PLSCR2: variants seen among roughly 807,000 people sequenced by gnomAD.
PLSCR2 encodes PL scramblase 2.
A neutral mutation model predicts 25.3 loss-of-function variants in PLSCR2; 18 were observed. That is an observed-to-expected ratio of 0.71 (90% confidence interval 0.49 to 1.06). PLSCR2 has a LOEUF of 1.06. PLSCR2 is among the 50% of genes least tolerant of loss of function. The pLI, the probability that PLSCR2 is intolerant of heterozygous loss-of-function variation, is 0.00. For missense variants in PLSCR2, 243 were observed against 269.5 expected (o/e 0.90, Z 0.69); for synonymous variants, 88 against 87.3 (o/e 1.01, Z -0.04).
downstream of PLSCR2, among the ~76,000 whole-genome samples, chr3:146,441,564 A>T (rs2040244191): frequency 6.6e-6 from 1 of 152,020 alleles, no homozygotes; most frequent in Non-Finnish European, 1.5e-5. Flanking sequence ...AAGTATATAA[A>T]ACATTTATAA....
intron 1 of PLSCR2, chr3:146,495,003 T>C (rs2043695978): frequency 6.6e-6 from 1 of 152,140 alleles, no homozygotes; most frequent in South Asian, 2.1e-4. Context: ...GATTTATACA[T>C]GGAAGAGCTA....
At chr3:146,490,708 T>C (rs997016466) in intron 1 of PLSCR2, among the ~76,000 whole-genome samples, 1 of 152,104 alleles carries the variant, frequency 6.6e-6, no homozygotes, top group Middle Eastern at 3.2e-3. Flanking sequence ...AATAGATATT[T>C]CTCCATCCCT....
intron 1 of PLSCR2, among the ~76,000 whole-genome samples, chr3:146,478,703 A>C (rs112002147): frequency 0.05 from 7,690 of 152,318 alleles, 240 homozygotes; most frequent in Admixed American, 0.093. Context: ...TCCCCAACCT[A>C]GCAAGGCAGG....
rs377618191 is a variant in PLSCR2 at position 146,455,194 on chromosome 3, C to T, written c.321+45G>A. 18 of 1,275,948 alleles carry T rather than the reference C, an allele frequency of 1.4e-5. No individual in the cohort carries two copies. In the African/African-American group the frequency reaches 2.5e-4, roughly 18 times the overall value. The allele number at this position is 1,275,948 out of a possible 1,614,324, so 79.0% of individuals were successfully genotyped here. On this transcript the variant is annotated intron_variant, in intron 4 of 6. Coordinates refer to ENST00000610787, the Ensembl canonical transcript of PLSCR2. Reference sequence around the variant, plus strand: ...CAGATTCAATAAAAGGGTGGAAATCCTTGCTGAACTACTTTATGAAAAGCT... The same window carrying T: ...CAGATTCAATAAAAGGGTGGAAATCTTTGCTGAACTACTTTATGAAAAGCT...
At chr3:146,417,420 T>C (rs944281470) in intron 2 of PLSCR2, among the ~76,000 whole-genome samples, 1 of 151,988 alleles carries the variant, frequency 6.6e-6, no homozygotes, top group Non-Finnish European at 1.5e-5. Flanking sequence ...CTTTGAAAAA[T>C]GTTTACTGCC....
chr3:146,435,948 T>G (rs1168089614), intron 8 of PLSCR2, among the ~76,000 whole-genome samples: 1 of 152,246 alleles, frequency 6.6e-6, no homozygotes, highest in African/African-American at 2.4e-5. Context: ...TTAATTTCTG[T>G]ATAAGGTGTA....
intron 2 of PLSCR2, among the ~76,000 whole-genome samples, chr3:146,459,536 G>A (rs1427560736): frequency 6.6e-6 from 1 of 152,038 alleles, no homozygotes; most frequent in African/African-American, 2.4e-5. Context: ...GATTAAGTGA[G>A]GTAATACATG....
intron 2 of PLSCR2, chr3:146,401,483 CTCTT>C (rs1404275621): frequency 6.6e-6 from 1 of 152,488 alleles, no homozygotes; most frequent in African/African-American, 2.4e-5. Context: ...AATTATTTCT[CTCTT>C]CTGCAAAATA....
At chr3:146,492,160 C>T (rs536737) in intron 1 of PLSCR2, among the ~76,000 whole-genome samples, 33,013 of 152,034 alleles carry the variant, frequency 0.22, 3,787 homozygotes, top group South Asian at 0.35. Flanking sequence ...GGAAACAGGC[C>T]TTCAGTTGTA....
intron 2 of PLSCR2, among the ~76,000 whole-genome samples, chr3:146,397,231 T>C (rs1187690839): frequency 6.6e-6 from 1 of 152,170 alleles, no homozygotes; most frequent in Non-Finnish European, 1.5e-5. Flanking sequence ...ATTAGGGTAT[T>C]GCAGAAATAT....
chr3:146,470,858 CTT>C (rs2042090666), intron 1 of PLSCR2, among the ~76,000 whole-genome samples: 1 of 152,166 alleles, frequency 6.6e-6, no homozygotes, highest in South Asian at 2.1e-4. Flanking sequence ...TTGACAATCT[CTT>C]TGCCTGTTTT....
At chr3:146,432,345 G>A (rs2039577621), downstream of PLSCR2, among the ~76,000 whole-genome samples, 1 of 152,038 alleles carries the variant, frequency 6.6e-6, no homozygotes, top group Non-Finnish European at 1.5e-5. Flanking sequence ...CCAAAATCCT[G>A]GGATCAACCA....
At chr3:146,484,596 G>A (rs2043275543) in intron 1 of PLSCR2, among the ~76,000 whole-genome samples, 1 of 152,062 alleles carries the variant, frequency 6.6e-6, no homozygotes, top group Non-Finnish European at 1.5e-5. Flanking sequence ...GACCTCTCAA[G>A]AGAAACCCTA....
At chr3:146,489,887 G>T (rs752584884) in intron 1 of PLSCR2, among the ~76,000 whole-genome samples, 4 of 152,008 alleles carry the variant, frequency 2.6e-5, no homozygotes, top group Non-Finnish European at 5.9e-5. Context: ...ATATGAACAT[G>T]CTGGGAACTA....
intron 6 of PLSCR2, among the ~76,000 whole-genome samples, chr3:146,444,230 A>T (rs2040415252): frequency 6.6e-6 from 1 of 152,054 alleles, no homozygotes; most frequent in African/African-American, 2.4e-5. Flanking sequence ...ATGAATGTGT[A>T]TTCTATAAAC....
upstream of PLSCR2, among the ~76,000 whole-genome samples, chr3:146,462,760 C>T (rs534608981): frequency 3.3e-5 from 5 of 152,190 alleles, no homozygotes; most frequent in Non-Finnish European, 7.4e-5. Flanking sequence ...TCACTGCGCT[C>T]GGCCGATGGT....
intron 6 of PLSCR2, among the ~76,000 whole-genome samples, chr3:146,446,970 C>T (rs60885345): frequency 0.08 from 12,188 of 152,248 alleles, 618 homozygotes; most frequent in African/African-American, 0.13. Flanking sequence ...GTTTAGCTAC[C>T]ATTGATGTTA....
intron 2 of PLSCR2, among the ~76,000 whole-genome samples, chr3:146,428,105 G>C (rs1315228917): frequency 6.6e-6 from 1 of 152,082 alleles, no homozygotes; most frequent in Admixed American, 6.6e-5. Flanking sequence ...AGAAAATTCT[G>C]GCAGTACAAT....
At chr3:146,400,509 C>T (rs1037090967) in intron 2 of PLSCR2, among the ~76,000 whole-genome samples, 1 of 151,094 alleles carries the variant, frequency 6.6e-6, no homozygotes, top group Non-Finnish European at 1.5e-5. Flanking sequence ...AGAAATATGC[C>T]ATAGCCATTG....
Sources: allele counts gnomAD v4.1 joint callset (sites outside exome capture counted in the v4.1 genomes callset), GRCh38; gene constraint gnomAD v4.1.1; transcripts MANE v1.5; gene names NCBI Gene and HGNC (gene_info 2026-07-23, HGNC 2026-07-21).